PRKG1: variants seen among roughly 807,000 people sequenced by gnomAD.
PRKG1 encodes protein kinase cGMP-dependent 1, also known as cGMP-dependent protein kinase 1.
PRKG1 carries 35 observed loss-of-function variants against 88.1 expected under a neutral mutation model. The ratio of observed to expected loss-of-function variants is 0.40; its 90% CI spans 0.30 to 0.53. The LOEUF (loss-of-function observed/expected upper bound fraction) is 0.53. Among genes scored for constraint, PRKG1 ranks in the 20% least tolerant of loss-of-function variants. PRKG1 has a pLI of 0.59. For synonymous variants in PRKG1, 303 were observed against 292.5 expected, an observed-to-expected ratio of 1.04 and a Z score of -0.37; for missense variants, 540 against 839.8, an observed-to-expected ratio of 0.64 and a Z score of 4.41.
chr10:51,203,724 T>C (rs893500858), intron 2 of PRKG1, among the ~76,000 whole-genome samples: 3 of 152,212 alleles, frequency 2.0e-5, no homozygotes, highest in African/African-American at 7.2e-5. Flanking sequence ...AAGGCAATAT[T>C]TTCTTCAAAG....
intron 1 of PRKG1, among the ~76,000 whole-genome samples, chr10:51,060,903 C>T (rs1035206508): frequency 4.0e-5 from 6 of 151,680 alleles, no homozygotes; most frequent in Non-Finnish European, 7.4e-5. Flanking sequence ...TTTTTTCAGC[C>T]GTTTGAGGCT....
intron 7 of PRKG1, among the ~76,000 whole-genome samples, chr10:52,076,188 T>G (rs767311550): frequency 6.6e-6 from 1 of 152,086 alleles, no homozygotes; most frequent in Non-Finnish European, 1.5e-5. Flanking sequence ...ACTACAATCT[T>G]CAGGAAAAAA....
At chr10:51,348,960 G>A (rs1842176110) in intron 2 of PRKG1, among the ~76,000 whole-genome samples, 1 of 152,248 alleles carries the variant, frequency 6.6e-6, no homozygotes, top group South Asian at 2.1e-4. Flanking sequence ...GAGCTAGGAA[G>A]ATATAAAATA....
chr10:51,904,256 A>T (rs1441887660), intron 4 of PRKG1, among the ~76,000 whole-genome samples: 1 of 152,106 alleles, frequency 6.6e-6, no homozygotes, highest in Non-Finnish European at 1.5e-5. Flanking sequence ...CATAACTGAA[A>T]ATATTCTTCT....
intron 2 of PRKG1, among the ~76,000 whole-genome samples, chr10:51,166,855 A>G (rs1846557727): frequency 3.3e-5 from 5 of 152,166 alleles, no homozygotes; most frequent in Admixed American, 3.3e-4. Flanking sequence ...TATTATATGA[A>G]TATTTGAAAC....
chr10:52,034,223 A>G (rs1054697791), intron 5 of PRKG1, among the ~76,000 whole-genome samples: 7 of 151,822 alleles, frequency 4.6e-5, no homozygotes, highest in South Asian at 2.1e-4. Context: ...GCCTTCTTAC[A>G]TTAATAAGAA....
intron 3 of PRKG1, among the ~76,000 whole-genome samples, chr10:51,598,105 A>G (rs912450466): frequency 6.6e-6 from 1 of 152,148 alleles, no homozygotes; most frequent in African/African-American, 2.4e-5. Flanking sequence ...TCAATTGTCT[A>G]TTTGGGGTCA....
intron 2 of PRKG1, among the ~76,000 whole-genome samples, chr10:51,201,405 T>C (rs1837909708): frequency 6.6e-6 from 1 of 152,148 alleles, no homozygotes; most frequent in Non-Finnish European, 1.5e-5. Context: ...TGAGCCGAGA[T>C]TGTGCCGTCA....
chr10:51,665,645 T>G (rs1475626939), intron 3 of PRKG1, among the ~76,000 whole-genome samples: 1 of 152,172 alleles, frequency 6.6e-6, no homozygotes, highest in Non-Finnish European at 1.5e-5. Context: ...ATTTTGTGGT[T>G]TTTGAAATGT....
intron 2 of PRKG1, among the ~76,000 whole-genome samples, chr10:51,180,663 A>G (rs1224111923): frequency 6.6e-6 from 1 of 152,198 alleles, no homozygotes; most frequent in African/African-American, 2.4e-5. Context: ...CCCTATTAAG[A>G]TGAGCTTGCA....
At chr10:51,156,876 T>C (rs1170578432) in intron 2 of PRKG1, among the ~76,000 whole-genome samples, 1 of 151,842 alleles carries the variant, frequency 6.6e-6, no homozygotes, top group African/African-American at 2.4e-5. Flanking sequence ...TTATAAAGAG[T>C]ATACCATGGT....
chr10:52,073,286 A>G (rs571167917), intron 7 of PRKG1, among the ~76,000 whole-genome samples: 1 of 152,306 alleles, frequency 6.6e-6, no homozygotes, highest in East Asian at 1.9e-4. Flanking sequence ...ATTTTCAAAT[A>G]TAATTACATT....
Position 51,800,889 on chromosome 10 carries a change from C to T in PRKG1, c.593-3696C>T, listed in dbSNP as rs1839155798. The stretch of plus-strand genomic sequence containing the variant: ...TCTGGTCTCATCCCAAGGCAACCAC[C>T]CTCTGATAGCATCACATTGGGGATA... On this transcript the variant is annotated intron_variant, in intron 3 of 17. Coordinates refer to ENST00000373980, the MANE Select transcript of PRKG1 (RefSeq NM_006258.4). Among the ~76,000 whole-genome samples the T allele has an allele frequency of 2.0e-5, 3 of 152,040 alleles. No individual in the cohort carries two copies. In the South Asian group the frequency reaches 6.2e-4, roughly 32 times the overall value.
chr10:51,582,436 G>A (rs1355911455), intron 3 of PRKG1, among the ~76,000 whole-genome samples: 1 of 152,076 alleles, frequency 6.6e-6, no homozygotes, highest in Non-Finnish European at 1.5e-5. Flanking sequence ...TAGGTATTAA[G>A]CCCAGAGTGA....
chr10:51,090,327 G>C (rs1037303228), intron 1 of PRKG1, among the ~76,000 whole-genome samples: 1 of 152,144 alleles, frequency 6.6e-6, no homozygotes, highest in Non-Finnish European at 1.5e-5. Flanking sequence ...GTAATGACAA[G>C]GTCCTGGAGT....
chr10:51,743,087 G>T (rs1207210964), intron 3 of PRKG1, among the ~76,000 whole-genome samples: 1 of 152,074 alleles, frequency 6.6e-6, no homozygotes, highest in Admixed American at 6.6e-5. Flanking sequence ...GATACACAGA[G>T]ACCGGCAGCT....
At chr10:51,989,663 C>T (rs1844252817) in intron 5 of PRKG1, among the ~76,000 whole-genome samples, 1 of 151,554 alleles carries the variant, frequency 6.6e-6, no homozygotes, top group Admixed American at 6.6e-5. Context: ...TTAAGAAATG[C>T]CTCATAGTTC....
At position 51,728,453 on chromosome 10, in the gene PRKG1, G is replaced by GTTTTTTTTT. The variant is rs56975031; in HGVS notation, c.593-76113_593-76105dup. Among the ~76,000 whole-genome samples, 5 of 58,814 alleles carry GTTTTTTTTT rather than the reference G, an allele frequency of 8.5e-5. 1 individual carries two copies. The highest frequency in any genetic ancestry group is 2.5e-4 in the African/African-American group (4 of 16,162). 38.6% of individuals were successfully genotyped at this position (58,814 alleles called of 152,430 possible). ...AATAGCAAAATTCCATTTTTTCTTT[G>GTTTTTTTTT]TTTTTTTTTTTTTTTTTTTTTTTTT... is the stretch of plus-strand genomic sequence containing the variant. On this transcript the variant is annotated intron_variant, in intron 3 of 17. Coordinates refer to ENST00000373980, the MANE Select transcript of PRKG1 (RefSeq NM_006258.4).
At chr10:51,674,765 G>A (rs1046330315) in intron 3 of PRKG1, among the ~76,000 whole-genome samples, 2 of 152,148 alleles carry the variant, frequency 1.3e-5, no homozygotes, top group Non-Finnish European at 2.9e-5. Context: ...TTCTAGCATA[G>A]CTAAAATATA....
Sources: allele counts gnomAD v4.1 joint callset (sites outside exome capture counted in the v4.1 genomes callset), GRCh38; gene constraint gnomAD v4.1.1; transcripts MANE v1.5; gene names NCBI Gene and HGNC (gene_info 2026-07-23, HGNC 2026-07-21).